Variants in MACROD2 observed in about 807,000 individuals in gnomAD.
The protein encoded by MACROD2 is mono-ADP ribosylhydrolase 2, also known as ADP-ribose glycohydrolase MACROD2.
Under a neutral mutation model 70.4 loss-of-function variants are expected in MACROD2, and 36 were observed. That is an observed-to-expected ratio of 0.51 (90% CI 0.39 to 0.68). The LOEUF is 0.68. MACROD2 is among the 30% of genes least tolerant of loss of function. MACROD2 has a pLI of 0.00. For synonymous variants in MACROD2, 172 were observed against 178.8 expected (o/e 0.96, Z 0.30); for missense variants, 496 against 538.4 (o/e 0.92, Z 0.78).
In MACROD2 at chr20:15,518,379, T is replaced by C. The variant is rs367924067; in HGVS notation, c.645+18532T>C. ...ATTTATTTTGTAGCAGCAGAGCCAATTGACAATAGCGGATTGCTAATTAAA... is the reference window on the plus strand; with the variant it reads ...ATTTATTTTGTAGCAGCAGAGCCAACTGACAATAGCGGATTGCTAATTAAA... On this transcript the variant is annotated intron_variant, in intron 8 of 17. Coordinates refer to ENST00000684519, the MANE Select transcript of MACROD2 (RefSeq NM_001351661.2). Among the ~76,000 whole-genome samples the C allele has an allele frequency of 1.1e-4, 16 of 152,342 alleles. 1 individual carries two copies. The South Asian group carries it at 3.1e-3, about 30-fold the overall frequency.
At chr20:15,663,964 C>T (rs994439237) in intron 8 of MACROD2, among the ~76,000 whole-genome samples, 6 of 152,172 alleles carry the variant, frequency 3.9e-5, no homozygotes, top group African/African-American at 1.4e-4. Flanking sequence ...GTGTCCTTGT[C>T]TCTGGAAATC....
At chr20:15,350,002 G>A (rs1600276638) in intron 6 of MACROD2, among the ~76,000 whole-genome samples, 1 of 152,196 alleles carries the variant, frequency 6.6e-6, no homozygotes, top group Middle Eastern at 3.4e-3. Flanking sequence ...AGAAAACTGG[G>A]ACCTCCTTGT....
intron 2 of MACROD2, among the ~76,000 whole-genome samples, chr20:14,005,394 C>A (rs941883980): frequency 6.6e-6 from 1 of 152,144 alleles, no homozygotes; most frequent in African/African-American, 2.4e-5. Context: ...TTACATATTT[C>A]TAATTCTTCC....
intron 5 of MACROD2, among the ~76,000 whole-genome samples, chr20:15,128,486 C>T (rs1463117462): frequency 6.6e-6 from 1 of 151,994 alleles, no homozygotes; most frequent in Non-Finnish European, 1.5e-5. Context: ...TTCTTCCCAT[C>T]ACACAAACAA....
chr20:14,805,613 G>A (rs2072629204), intron 5 of MACROD2, among the ~76,000 whole-genome samples: 1 of 152,012 alleles, frequency 6.6e-6, no homozygotes, highest in African/African-American at 2.4e-5. Flanking sequence ...ACACAGCTGG[G>A]GAGTAACAGA....
At chr20:15,966,635 C>T (rs1321329384) in intron 12 of MACROD2, among the ~76,000 whole-genome samples, 1 of 152,136 alleles carries the variant, frequency 6.6e-6, no homozygotes, top group Non-Finnish European at 1.5e-5. Context: ...CTAGCTACTA[C>T]AGAGGCCAGA....
intron 5 of MACROD2, among the ~76,000 whole-genome samples, chr20:14,846,273 T>C (rs2122293549): frequency 6.6e-6 from 1 of 152,160 alleles, no homozygotes; most frequent in South Asian, 2.1e-4. Context: ...TCACCTGGGC[T>C]GGAGTGCAGT....
intron 8 of MACROD2, among the ~76,000 whole-genome samples, chr20:15,523,600 A>C (rs894425771): frequency 1.3e-5 from 2 of 152,190 alleles, no homozygotes; most frequent in African/African-American, 2.4e-5. Flanking sequence ...GCTGTGCTGC[A>C]GTCCTTAGTG....
In MACROD2 at chr20:14,515,433, A is replaced by C. The variant is rs186549795; in HGVS notation, c.301+21925A>C. Among the ~76,000 whole-genome samples the C allele has an allele frequency of 4.1e-3, 603 of 148,020 alleles. 2 individuals are homozygous for C. Among genetic ancestry groups the C allele is most frequent in the South Asian group, 0.017 (79 of 4,520 alleles). On this transcript the variant is annotated intron_variant, in intron 4 of 17. Transcript: ENST00000684519. Reference sequence around the variant, plus strand: ...CAACCCAGTATCTATCCGTAGTTGAATGAATAAAGAATATGTGAGATACAC... The same window carrying C: ...CAACCCAGTATCTATCCGTAGTTGACTGAATAAAGAATATGTGAGATACAC...
intron 6 of MACROD2, among the ~76,000 whole-genome samples, chr20:15,317,638 G>A (rs1168229903): frequency 1.3e-5 from 2 of 151,898 alleles, no homozygotes; most frequent in Non-Finnish European, 2.9e-5. Context: ...ATAAGTTCCA[G>A]TCCAATGGCT....
At chr20:14,446,411 C>A (rs1342423804) in intron 3 of MACROD2, among the ~76,000 whole-genome samples, 1 of 152,078 alleles carries the variant, frequency 6.6e-6, no homozygotes, top group African/African-American at 2.4e-5. Flanking sequence ...TCTGACTTCA[C>A]AATCCACCTC....
At chr20:15,570,412 T>C (rs2048362292) in intron 8 of MACROD2, among the ~76,000 whole-genome samples, 1 of 152,132 alleles carries the variant, frequency 6.6e-6, no homozygotes, top group African/African-American at 2.4e-5. Flanking sequence ...GGCTTGGGGA[T>C]CAGTCTTGAT....
chr20:15,871,800 C>G (rs191761854), intron 9 of MACROD2, among the ~76,000 whole-genome samples: 1 of 152,134 alleles, frequency 6.6e-6, no homozygotes. Context: ...GAAGCCCTGA[C>G]TGAGAAATTT....
chr20:15,853,098 C>G (rs2064318233), intron 8 of MACROD2, among the ~76,000 whole-genome samples: 1 of 152,180 alleles, frequency 6.6e-6, no homozygotes, highest in East Asian at 1.9e-4. Flanking sequence ...CTGGCTATAC[C>G]TCGTCTTAAC....
chr20:15,800,615 G>T (rs1297252421), intron 8 of MACROD2, among the ~76,000 whole-genome samples: 1 of 152,134 alleles, frequency 6.6e-6, no homozygotes, highest in Non-Finnish European at 1.5e-5. Context: ...GAGGTGAGGG[G>T]CGCCTCTGCC....
intron 2 of MACROD2, among the ~76,000 whole-genome samples, chr20:14,068,448 T>A (rs1226825229): frequency 2.6e-5 from 4 of 152,114 alleles, no homozygotes; most frequent in African/African-American, 9.7e-5. Context: ...GAATACGAAC[T>A]CCTCATTCTA....
At chr20:14,767,332 T>A (rs538946695) in intron 5 of MACROD2, among the ~76,000 whole-genome samples, 5 of 152,128 alleles carry the variant, frequency 3.3e-5, no homozygotes, top group Non-Finnish European at 7.3e-5. Context: ...TTTTTTTGTT[T>A]TTTGTTTTTT....
chr20:14,076,588 A>T (rs773182326), intron 2 of MACROD2, among the ~76,000 whole-genome samples: 1 of 152,112 alleles, frequency 6.6e-6, no homozygotes, highest in East Asian at 1.9e-4. Flanking sequence ...CTGAGGTGGG[A>T]GGAACGCTTG....
intron 8 of MACROD2, among the ~76,000 whole-genome samples, chr20:15,800,291 TG>T (rs2063712265): frequency 6.6e-6 from 1 of 150,910 alleles, no homozygotes; most frequent in Non-Finnish European, 1.5e-5. Context: ...TAATTTAATA[TG>T]GTCCCATTTG....
Sources: allele counts gnomAD v4.1 joint callset (sites outside exome capture counted in the v4.1 genomes callset), GRCh38; gene constraint gnomAD v4.1.1; transcripts MANE v1.5; gene names NCBI Gene and HGNC (gene_info 2026-07-23, HGNC 2026-07-21).